Variants in DLG2 observed in about 807,000 individuals in gnomAD.
The protein encoded by DLG2 is discs large MAGUK scaffold protein 2, also known as disks large homolog 2.
In DLG2, 45 loss-of-function variants were observed where a neutral mutation model predicts 132.5. The ratio of observed to expected loss-of-function variants is 0.34; its 90% CI spans 0.27 to 0.44. The LOEUF is 0.44. Among genes scored for constraint, DLG2 ranks in the 20% least tolerant of loss-of-function variants. DLG2 has a pLI of 1.00. For synonymous variants in DLG2, 424 were observed against 419.6 expected, an observed-to-expected ratio of 1.01 and a Z score of -0.13; for missense variants, 1,045 against 1,196.9, an observed-to-expected ratio of 0.87 and a Z score of 1.87.
At chr11:85,506,795 C>T (rs1407635324) in intron 3 of DLG2, among the ~76,000 whole-genome samples, 1 of 152,152 alleles carries the variant, frequency 6.6e-6, no homozygotes, top group Non-Finnish European at 1.5e-5. Flanking sequence ...TCTCGTTGAT[C>T]TGTCTAATGT....
chr11:83,996,573 C>T (rs925727137), intron 11 of DLG2, among the ~76,000 whole-genome samples: 4 of 152,110 alleles, frequency 2.6e-5, no homozygotes, highest in South Asian at 2.1e-4. Context: ...ACCTAAGTGT[C>T]GATCAACAGA....
chr11:84,704,099 C>G (rs1369567727), intron 6 of DLG2, among the ~76,000 whole-genome samples: 1 of 150,412 alleles, frequency 6.6e-6, no homozygotes, highest in Non-Finnish European at 1.5e-5. Context: ...TTTAATATGC[C>G]ACTAGTCTTT....
At chr11:85,141,144 A>G (rs995010656) in intron 5 of DLG2, among the ~76,000 whole-genome samples, 8 of 151,694 alleles carry the variant, frequency 5.3e-5, no homozygotes, top group African/African-American at 1.9e-4. Flanking sequence ...GAATCTCCAT[A>G]CTCCTCTCCA....
chr11:84,110,090 G>A (rs1264182104), intron 9 of DLG2, among the ~76,000 whole-genome samples: 1 of 152,088 alleles, frequency 6.6e-6, no homozygotes, highest in African/African-American at 2.4e-5. Flanking sequence ...GCAAGGATGT[G>A]CTCAAAAACA....
At chr11:83,600,800 T>C (rs767387511) in intron 19 of DLG2, among the ~76,000 whole-genome samples, 5 of 152,216 alleles carry the variant, frequency 3.3e-5, no homozygotes, top group Non-Finnish European at 4.4e-5. Context: ...TTGTCAAACA[T>C]GGGCTATAAC....
chr11:84,123,101 A>G lies in DLG2; in HGVS notation c.625-24054T>C, dbSNP rs150259250. ...TTTCTTTATGAAAAAAAGTGAGTTT[A>G]AAAGTCAGTCCTCAATAGTAGCATC... is the stretch of plus-strand genomic sequence containing the variant. On this transcript the variant is annotated intron_variant, in intron 9 of 27. Transcript: ENST00000376104. 3.3e-5 allele frequency among the ~76,000 whole-genome samples: 5 copies of G among 152,320 alleles called. No individual in the cohort carries two copies. The East Asian group carries it at 9.7e-4, about 29-fold the overall frequency.
chr11:84,547,403 C>T (rs2099392319), intron 6 of DLG2, among the ~76,000 whole-genome samples: 1 of 152,064 alleles, frequency 6.6e-6, no homozygotes, highest in Admixed American at 6.6e-5. Flanking sequence ...TTTCTTTACG[C>T]CATCTTAAAT....
intron 6 of DLG2, among the ~76,000 whole-genome samples, chr11:84,919,930 G>T (rs1269446133): frequency 6.6e-6 from 1 of 152,044 alleles, no homozygotes; most frequent in Admixed American, 6.6e-5. Context: ...AAACTAAATT[G>T]TATTTTGTAA....
chr11:84,857,911 G>C (rs11234205), intron 6 of DLG2, among the ~76,000 whole-genome samples: 2 of 150,034 alleles, frequency 1.3e-5, no homozygotes, highest in Non-Finnish European at 1.5e-5. Context: ...TTTTCTTTGA[G>C]ACAAGGTCTC....
chr11:84,732,796 C>G (rs1222725916), intron 6 of DLG2, among the ~76,000 whole-genome samples: 1 of 150,660 alleles, frequency 6.6e-6, no homozygotes, highest in African/African-American at 2.4e-5. Flanking sequence ...CTCCCCCCAC[C>G]CACCCCACAA....
At chr11:85,001,055 A>G (rs2058159219) in intron 6 of DLG2, among the ~76,000 whole-genome samples, 2 of 152,092 alleles carry the variant, frequency 1.3e-5, no homozygotes, top group African/African-American at 4.8e-5. Flanking sequence ...GACAGCAAGA[A>G]GAACCCTTTT....
Position 84,575,274 on chromosome 11 carries a change from C to T in DLG2, c.358-40543G>A, listed in dbSNP as rs1322416355. Among the ~76,000 whole-genome samples the T allele has an allele frequency of 3.3e-5, 5 of 152,064 alleles. No individual in the cohort carries two copies. In the East Asian group the frequency reaches 9.6e-4, roughly 29 times the overall value. ...TCTAGCTTAATCTTCTGTAACTCTC[C>T]ATTTTCCTAATATTAAATTACTTAT... On this transcript the variant is annotated intron_variant, in intron 6 of 27. Transcript: ENST00000376104.
Position 83,753,822 on chromosome 11 carries a change from T to C in DLG2, c.1825+32868A>G, listed in dbSNP as rs191180225. On this transcript the variant is annotated intron_variant, in intron 18 of 27. Coordinates refer to ENST00000376104, the MANE Select transcript of DLG2 (RefSeq NM_001142699.3). ...TATATCATATATATCATATATATAT[T>C]TCATATATATATGATATATATCATA... is the stretch of plus-strand genomic sequence containing the variant. 5.1e-5 allele frequency among the ~76,000 whole-genome samples: 2 copies of C among 39,184 alleles called. 1 individual carries two copies. Among genetic ancestry groups the C allele is most frequent in the African/African-American group, 2.8e-4 (2 of 7,122 alleles). 25.7% of individuals were successfully genotyped at this position (39,184 alleles called of 152,430 possible). A position where few individuals can be genotyped will look rare whatever the true frequency, so the allele number is the denominator to read the frequency against.
In DLG2 at chr11:83,456,933, A is replaced by T. The variant is rs968128556; in HGVS notation, c.*2885T>A. 2.0e-5 allele frequency: 3 copies of T among 152,688 alleles called. No homozygotes were observed. Among genetic ancestry groups the T allele is most frequent in the African/African-American group, 7.2e-5 (3 of 41,470 alleles). The allele number at this position is 152,688 out of a possible 1,614,324, so 9.5% of individuals were successfully genotyped here. On this transcript the variant is annotated 3_prime_UTR_variant, in exon 28 of 28. Transcript: ENST00000376104. The stretch of plus-strand genomic sequence containing the variant: ...CAAGAAATCCCGCAAAAGGCCTGCA[A>T]ATAAATGGCCGACAATTCTGTGGGA...
chr11:84,924,084 C>T (rs1383331611), intron 6 of DLG2, among the ~76,000 whole-genome samples: 1 of 151,904 alleles, frequency 6.6e-6, no homozygotes, highest in Non-Finnish European at 1.5e-5. Flanking sequence ...AGCTTCTGCC[C>T]CTATAAGTCC....
intron 3 of DLG2, among the ~76,000 whole-genome samples, chr11:85,355,295 G>T (rs1006102853): frequency 6.6e-5 from 10 of 152,248 alleles, no homozygotes; most frequent in Non-Finnish European, 1.2e-4. Context: ...TATGGAAAAT[G>T]ATCTGTTAAT....
chr11:84,019,827 C>T (rs549693298), intron 11 of DLG2, among the ~76,000 whole-genome samples: 1 of 152,288 alleles, frequency 6.6e-6, no homozygotes, highest in Admixed American at 6.5e-5. Context: ...CAGATTCTCT[C>T]TCACAGTCTT....
intron 17 of DLG2, among the ~76,000 whole-genome samples, chr11:83,811,319 G>C (rs1432590036): frequency 2.0e-5 from 3 of 152,032 alleles, no homozygotes; most frequent in Non-Finnish European, 2.9e-5. Context: ...ATTCTTTGAA[G>C]ACTCTTTTCT....
In DLG2 at chr11:83,768,561, C is replaced by T. The variant is rs192153168; in HGVS notation, c.1825+18129G>A. ...AGTTTTAAACCATAATCACTACCCT[C>T]TTCCCTCAATTGCTCAGATAGTTGG... On this transcript the variant is annotated intron_variant, in intron 18 of 27. Transcript: ENST00000376104. Among the ~76,000 whole-genome samples, 13 of 152,340 alleles carry T rather than the reference C, an allele frequency of 8.5e-5. No homozygotes were observed. In the East Asian group the frequency reaches 1.9e-3, roughly 23 times the overall value.
Sources: allele counts gnomAD v4.1 joint callset (sites outside exome capture counted in the v4.1 genomes callset), GRCh38; gene constraint gnomAD v4.1.1; transcripts MANE v1.5; gene names NCBI Gene and HGNC (gene_info 2026-07-23, HGNC 2026-07-21).